The following NAV1 variants were observed in gnomAD, a reference collection of about 807,000 sequenced individuals.
NAV1 encodes the protein pore membrane and/or filament interacting like protein 3.
NAV1 carries 18 observed loss-of-function variants against 175.2 expected under a neutral mutation model. The ratio of observed to expected loss-of-function variants is 0.10; its 90% CI spans 0.07 to 0.15. The LOEUF (loss-of-function observed/expected upper bound fraction) is 0.15. Ranked by LOEUF, NAV1 falls within the 10% of genes least tolerant of loss-of-function variation. NAV1 has a pLI of 1.00. For missense variants in NAV1, 1,731 were observed against 2,436.6 expected, an observed-to-expected ratio of 0.71 and a Z score of 6.10; for synonymous variants, 897 against 978.7, an observed-to-expected ratio of 0.92 and a Z score of 1.56.
chr1:201,550,183 T>C (rs200214213), intron 1 of NAV1, among the ~76,000 whole-genome samples: 2 of 152,014 alleles, frequency 1.3e-5, no homozygotes, highest in Non-Finnish European at 2.9e-5. Context: ...TTTTTTTTTG[T>C]TTTTAAGAGA....
At chr1:201,584,734 G>A (rs1354383563) in intron 1 of NAV1, among the ~76,000 whole-genome samples, 2 of 152,296 alleles carry the variant, frequency 1.3e-5, no homozygotes, top group South Asian at 4.1e-4. Context: ...CTGACAGGCT[G>A]GGCCAGTCCA....
At chr1:201,790,435 G>A in intron 11 of NAV1, 119 bp from the exon 16 acceptor site, 1 of 1,143,218 alleles carries the variant, frequency 8.7e-7, no homozygotes. Context: ...CAGCCTCTCT[G>A]CACCTCTGAG....
At chr1:201,743,876 T>C (rs545765294) in intron 3 of NAV1, among the ~76,000 whole-genome samples, 1 of 152,342 alleles carries the variant, frequency 6.6e-6, no homozygotes, top group East Asian at 1.9e-4. Flanking sequence ...GACCACTTTT[T>C]AAAACTTAAA....
At chr1:201,738,916 T>C (rs1673231513) in intron 3 of NAV1, among the ~76,000 whole-genome samples, 1 of 152,160 alleles carries the variant, frequency 6.6e-6, no homozygotes, top group African/African-American at 2.4e-5. Flanking sequence ...CACATTGGCA[T>C]TGGGACCCAA....
chr1:201,577,667 T>G (rs529537251), intron 1 of NAV1, among the ~76,000 whole-genome samples: 2 of 152,300 alleles, frequency 1.3e-5, no homozygotes, highest in South Asian at 4.1e-4. Flanking sequence ...AGCTATTCTT[T>G]TAGAGTAGTC....
chr1:201,813,088 C>T lies in NAV1; in HGVS notation c.5222-52C>T. On this transcript the variant is annotated intron_variant, in intron 27 of 29. Transcript: ENST00000367296. The surrounding 1 kb of genome is among the most constrained non-coding windows in gnomAD (Gnocchi z 4.2). ...ACTAAGGAGTAAAAGAGGCACACAACCGGGAAGATCTAGGTTCCCAGCCAT... is the reference window on the plus strand; with the variant it reads ...ACTAAGGAGTAAAAGAGGCACACAATCGGGAAGATCTAGGTTCCCAGCCAT... The T allele has an allele frequency of 1.5e-6, 2 of 1,326,556 alleles. No individual in the cohort carries two copies. The highest frequency in any genetic ancestry group is 2.2e-6 in the Non-Finnish European group (2 of 924,112). The allele number at this position is 1,326,556 out of a possible 1,614,324, so 82.2% of individuals were successfully genotyped here.
At position 201,642,525 on chromosome 1, in the gene NAV1, T is replaced by TTCTTTCTTTCTTTCTTTCTTTC. The variant is rs1553247051; in HGVS notation, c.5-6108_5-6107insCTTTCTTTCTTTCTTTCTTTCT. Reference sequence around the variant, plus strand: ...CCGCACCCGGCCTCTTTCTTTCTTTTTTTCTTTCTTTCTTTCTTTCTTTCT... The same window carrying TTCTTTCTTTCTTTCTTTCTTTC: ...CCGCACCCGGCCTCTTTCTTTCTTTTTCTTTCTTTCTTTCTTTCTTTCTTTCTTTCTTTCTTTCTTTCTTTCT... On this transcript the variant is annotated intron_variant, in intron 2 of 29. Coordinates refer to the NAV1 transcript ENST00000367302. Among the ~76,000 whole-genome samples the TTCTTTCTTTCTTTCTTTCTTTC allele has an allele frequency of 5.2e-4, 52 of 100,402 alleles. 2 individuals are homozygous for TTCTTTCTTTCTTTCTTTCTTTC. Among genetic ancestry groups the TTCTTTCTTTCTTTCTTTCTTTC allele is most frequent in the African/African-American group, 2.2e-3 (52 of 23,208 alleles). The allele number at this position is 100,402 out of a possible 152,430, so 65.9% of individuals were successfully genotyped here.
intron 1 of NAV1, among the ~76,000 whole-genome samples, chr1:201,656,755 G>A (rs1669421125): frequency 6.6e-6 from 1 of 152,240 alleles, no homozygotes; most frequent in South Asian, 2.1e-4. Flanking sequence ...TTGCGTGCAT[G>A]TATATGTAAC....
At chr1:201,600,244 T>C (rs953627407) in intron 2 of NAV1, among the ~76,000 whole-genome samples, 1 of 152,236 alleles carries the variant, frequency 6.6e-6, no homozygotes, top group African/African-American at 2.4e-5. Flanking sequence ...GCCTCCTCCC[T>C]TGACTTGCTT....
rs368837119 is a variant in NAV1, at chr1:201,815,895, C to T, written c.5341-1193C>T. Among the ~76,000 whole-genome samples, 242 of 152,118 alleles carry T rather than the reference C, an allele frequency of 1.6e-3. 1 individual carries two copies. Among genetic ancestry groups the T allele is most frequent in the South Asian group, 5.8e-3 (28 of 4,818 alleles). On this transcript the variant is annotated intron_variant, in intron 28 of 29. Transcript: ENST00000367296. ...CTGGGATTACAGGCATGTGTCACCA[C>T]GCCCGGCTAATTTTGTATTTTTAGT...
chr1:201,693,349 G>C (rs1671037758), intron 1 of NAV1, among the ~76,000 whole-genome samples: 1 of 152,218 alleles, frequency 6.6e-6, no homozygotes, highest in African/African-American at 2.4e-5. Flanking sequence ...GGAGGGGCCA[G>C]ATGAAAGGCA....
chr1:201,818,255 G>C (rs756890601), intron 29 of NAV1, among the ~76,000 whole-genome samples: 1 of 151,876 alleles, frequency 6.6e-6, no homozygotes, highest in African/African-American at 2.4e-5. Context: ...AAGGCCAGGC[G>C]TGGTGGCTCA....
At chr1:201,734,206 G>A (rs541208195) in intron 3 of NAV1, among the ~76,000 whole-genome samples, 1 of 151,932 alleles carries the variant, frequency 6.6e-6, no homozygotes, top group East Asian at 1.9e-4. Flanking sequence ...CCAGGAGTTC[G>A]AGACCAGCCT....
chr1:201,584,207 G>A (rs1666959869), intron 1 of NAV1, among the ~76,000 whole-genome samples: 1 of 152,232 alleles, frequency 6.6e-6, no homozygotes, highest in African/African-American at 2.4e-5. Flanking sequence ...CCAGTACCTG[G>A]AGGACTCTAG....
At chr1:201,739,975 G>C (rs1350268951) in intron 3 of NAV1, 2 of 1,439,770 alleles carry the variant, frequency 1.4e-6, no homozygotes, top group African/African-American at 2.9e-5. Flanking sequence ...GAGCGGTCCT[G>C]GGGGGCGCTG....
At chr1:201,796,902 CAT>C (rs1434266323) in intron 15 of NAV1, 2 of 152,182 alleles carry the variant, frequency 1.3e-5, no homozygotes, top group Middle Eastern at 3.2e-3. Context: ...TTATCAGACA[CAT>C]GATTTGAAAA....
chr1:201,585,679 T>C (rs1667005510), intron 1 of NAV1, among the ~76,000 whole-genome samples: 1 of 152,164 alleles, frequency 6.6e-6, no homozygotes, highest in Non-Finnish European at 1.5e-5. Context: ...CTTCAAAGAA[T>C]ATATATAAAT....
intron 1 of NAV1, among the ~76,000 whole-genome samples, chr1:201,683,232 T>C (rs1368244959): frequency 6.6e-6 from 1 of 152,190 alleles, no homozygotes; most frequent in Non-Finnish European, 1.5e-5. Flanking sequence ...GATATTTTTC[T>C]CATGGCTAAA....
At chr1:201,700,868 A>C (rs1026852441) in intron 1 of NAV1, among the ~76,000 whole-genome samples, 34 of 151,858 alleles carry the variant, frequency 2.2e-4, no homozygotes, top group Middle Eastern at 3.4e-3. Context: ...AAAATTAGCC[A>C]GGCGTGGTGG....
Sources: gnomAD v4.1 joint callset for allele counts (sites outside exome capture counted in the v4.1 genomes callset) on GRCh38, gnomAD v4.1.1 for gene constraint, Gnocchi (gnomAD v3.1) non-coding constraint, MANE v1.5 for transcripts, NCBI Gene and HGNC (gene_info 2026-07-23, HGNC 2026-07-21) for gene names.